PLEKHD1: variants seen among roughly 807,000 people sequenced by gnomAD.
PLEKHD1 encodes the protein pleckstrin homology and coiled-coil domain containing D1.
PLEKHD1 carries 51 observed loss-of-function variants against 69.2 expected under a neutral mutation model. That is an observed-to-expected ratio of 0.74 (90% confidence interval 0.59 to 0.93). The LOEUF (loss-of-function observed/expected upper bound fraction) is 0.93, where lower values mean the gene tolerates loss of function less well. Among genes scored for constraint, PLEKHD1 ranks in the 40% least tolerant of loss-of-function variants. The pLI, the probability that PLEKHD1 is intolerant of heterozygous loss-of-function variation, is 0.00. For synonymous variants in PLEKHD1, 236 were observed against 244.7 expected (o/e 0.96, Z 0.33); for missense variants, 584 against 641.0 (o/e 0.91, Z 0.96).
chr14:69,523,941 T>C (rs1883579305), intron 7 of PLEKHD1, among the ~76,000 whole-genome samples: 1 of 152,134 alleles, frequency 6.6e-6, no homozygotes, highest in South Asian at 2.1e-4. Context: ...GGGGCCCCTT[T>C]GTTTCTCCAG....
intron 1 of PLEKHD1, among the ~76,000 whole-genome samples, chr14:69,491,611 A>T (rs1478403333): frequency 1.3e-5 from 2 of 152,202 alleles, no homozygotes; most frequent in Non-Finnish European, 2.9e-5. Context: ...GAGACTGGAT[A>T]GGCCTTTGTT....
Position 69,500,163 on chromosome 14 carries a change from A to G in PLEKHD1, c.198A>G (p.Glu66=). The change falls in exon 2 of 13, where the codon GAA becomes GAG. Residue 66 remains glutamate (E), a synonymous_variant. Coordinates refer to ENST00000322564, the MANE Select transcript of PLEKHD1 (RefSeq NM_001161498.2). ...TTCTGCTTTACTACTCTGAGAGCGA[A>G]AAAAAGAGCTTTGAAACCAATAAAT... The part of the protein sequence containing the change: ...ESFLLYYSES[E]KKSFETNKYF... 1 of 1,551,042 alleles carries G rather than the reference A, an allele frequency of 6.4e-7. No individual in the cohort carries two copies. Among genetic ancestry groups the G allele is most frequent in the Non-Finnish European group, 8.7e-7 (1 of 1,146,382 alleles).
chr14:69,471,402 C>T, the PLEKHD1 span, among the ~76,000 whole-genome samples: 26 of 152,136 alleles, frequency 1.7e-4, no homozygotes, highest in Non-Finnish European at 3.4e-4. Flanking sequence ...TGAGCCACCA[C>T]GCCTGGCTCA....
chr14:69,494,292 A>G (rs964035071), intron 1 of PLEKHD1, among the ~76,000 whole-genome samples: 4 of 152,132 alleles, frequency 2.6e-5, no homozygotes, highest in Non-Finnish European at 5.9e-5. Flanking sequence ...AACTTGCCCC[A>G]GTCACATTGC....
At position 69,530,099 on chromosome 14, in the gene PLEKHD1, C is replaced by T. The variant is rs1883758370; in HGVS notation, c.*1680C>T. Reference sequence around the variant, plus strand: ...ATAAACAGATGGCTTCGGGGCAAGTCCCAGCAAAAAGTGCAAGAACCTGGG... The same window carrying T: ...ATAAACAGATGGCTTCGGGGCAAGTTCCAGCAAAAAGTGCAAGAACCTGGG... On this transcript the variant is annotated 3_prime_UTR_variant, in exon 13 of 13. Transcript: ENST00000322564. 1 of 152,250 alleles carries T rather than the reference C, an allele frequency of 6.6e-6. No individual in the cohort carries two copies. Among genetic ancestry groups the T allele is most frequent in the Admixed American group, 6.5e-5 (1 of 15,288 alleles). 9.4% of individuals were successfully genotyped at this position (152,250 alleles called of 1,614,324 possible).
At chr14:69,511,788 T>C (rs1243403900) in intron 6 of PLEKHD1, among the ~76,000 whole-genome samples, 1 of 152,142 alleles carries the variant, frequency 6.6e-6, no homozygotes, top group Non-Finnish European at 1.5e-5. Context: ...TGGCCTCAAG[T>C]GATCTGCCTG....
At chr14:69,472,196 C>T in the PLEKHD1 span, among the ~76,000 whole-genome samples, 1 of 152,186 alleles carries the variant, frequency 6.6e-6, no homozygotes, top group Non-Finnish European at 1.5e-5. Context: ...ACACCCAACA[C>T]CACAGCCCTT....
intron 11 of PLEKHD1, 33 bp downstream of exon 11, chr14:69,527,365 T>C (rs1185077052): frequency 6.4e-7 from 1 of 1,550,674 alleles, no homozygotes; most frequent in African/African-American, 1.4e-5. Flanking sequence ...GGCCCCCAGC[T>C]TTGGCACTCA....
At chr14:69,526,482 C>A (rs1428185658) in intron 9 of PLEKHD1, among the ~76,000 whole-genome samples, 1 of 152,082 alleles carries the variant, frequency 6.6e-6, no homozygotes, top group African/African-American at 2.4e-5. Flanking sequence ...CCTCTGGACC[C>A]AGGACTCCAG....
Position 69,501,752 on chromosome 14 carries a change from G to A in PLEKHD1, c.429G>A (p.Gln143=). The part of the protein sequence containing the change: ...ESGKVTWKNA[Q]LGEAMIKSLE... ...TCCCCAGGACCTGGAAGAATGCCCA[G>A]CTGGGAGAAGCCATGATCAAAAGCC... is the stretch of plus-strand genomic sequence containing the variant. Residue 143 remains glutamine (Q), a synonymous_variant, in exon 5 of 13, where the codon CAG becomes CAA. Transcript: ENST00000322564. The A allele has an allele frequency of 6.4e-7, 1 of 1,551,480 alleles. No individual in the cohort carries two copies. Among genetic ancestry groups the A allele is most frequent in the South Asian group, 1.2e-5 (1 of 84,026 alleles).
upstream of PLEKHD1, among the ~76,000 whole-genome samples, chr14:69,481,192 G>A (rs527901352): frequency 8.5e-5 from 13 of 152,278 alleles, no homozygotes; most frequent in African/African-American, 2.6e-4. Context: ...ATGTGGTGGC[G>A]TGCATCTGTA....
chr14:69,478,197 C>T, the PLEKHD1 span, among the ~76,000 whole-genome samples: 4 of 152,356 alleles, frequency 2.6e-5, no homozygotes, highest in South Asian at 2.1e-4. Flanking sequence ...CCAAGCTCTA[C>T]GTTGTCCCCT....
At chr14:69,515,346 C>G (rs747344010) in intron 6 of PLEKHD1, among the ~76,000 whole-genome samples, 16 of 152,150 alleles carry the variant, frequency 1.1e-4, no homozygotes, top group East Asian at 1.9e-4. Flanking sequence ...ATTGGCCCCC[C>G]CTGGAGTTTT....
At chr14:69,525,708 C>A (rs1195147440) in intron 8 of PLEKHD1, among the ~76,000 whole-genome samples, 5 of 152,196 alleles carry the variant, frequency 3.3e-5, no homozygotes, top group Non-Finnish European at 7.3e-5. Context: ...CTAGTAGGTG[C>A]CGTCTCCACT....
the PLEKHD1 span, among the ~76,000 whole-genome samples, chr14:69,479,646 A>T: frequency 6.8e-6 from 1 of 146,352 alleles, no homozygotes; most frequent in African/African-American, 2.4e-5. Context: ...ATCTCTAAAA[A>T]AATAATAATA....
rs541277570 is a variant in PLEKHD1 at position 69,523,003 on chromosome 14, G to A, written c.650+626G>A. On this transcript the variant is annotated intron_variant, in intron 7 of 12. Transcript: ENST00000322564. ...GGCTGGAGTGCAGTGGCACGATCTCGGCTCACTGCAGCCCCGCCTCCTGGG... is the reference window on the plus strand; with the variant it reads ...GGCTGGAGTGCAGTGGCACGATCTCAGCTCACTGCAGCCCCGCCTCCTGGG... Among the ~76,000 whole-genome samples, 246 of 152,100 alleles carry A rather than the reference G, an allele frequency of 1.6e-3. 1 individual carries two copies. Among genetic ancestry groups the A allele is most frequent in the African/African-American group, 5.6e-3 (234 of 41,488 alleles).
At chr14:69,500,701 A>G (rs752922694) in intron 3 of PLEKHD1, 35 bp downstream of exon 3, 1 of 1,544,826 alleles carries the variant, frequency 6.5e-7, no homozygotes, top group South Asian at 1.2e-5. Flanking sequence ...TGGGCTCCGC[A>G]GGAGCAGACC....
At chr14:69,484,540 G>A (rs1328291891), upstream of PLEKHD1, among the ~76,000 whole-genome samples, 1 of 152,112 alleles carries the variant, frequency 6.6e-6, no homozygotes, top group Admixed American at 6.5e-5. Flanking sequence ...GGACCTTCTG[G>A]ACGCACGGAG....
At chr14:69,473,330 C>T in the PLEKHD1 span, among the ~76,000 whole-genome samples, 1 of 150,266 alleles carries the variant, frequency 6.7e-6, no homozygotes, top group African/African-American at 2.4e-5. Context: ...TGTGTCCCTA[C>T]CCCACCCTCC....
Sources: allele counts gnomAD v4.1 joint callset (sites outside exome capture counted in the v4.1 genomes callset), GRCh38; gene constraint gnomAD v4.1.1; transcripts MANE v1.5; gene names NCBI Gene and HGNC (gene_info 2026-07-23, HGNC 2026-07-21).